RFX3: variants seen among roughly 807,000 people sequenced by gnomAD.
RFX3 encodes regulatory factor X3.
RFX3 carries 14 observed loss-of-function variants against 98.6 expected under a neutral mutation model. The observed-to-expected ratio is 0.14, with a 90% CI of 0.09 to 0.22. The LOEUF (loss-of-function observed/expected upper bound fraction) is 0.22, where lower values mean the gene tolerates loss of function less well. Among genes scored for constraint, RFX3 ranks in the 10% least tolerant of loss-of-function variants. The pLI is 1.00. For synonymous variants in RFX3, 383 were observed against 328.4 expected (o/e 1.17, Z -1.80); for missense variants, 639 against 926.9 (o/e 0.69, Z 4.03).
intron 1 of RFX3, among the ~76,000 whole-genome samples, chr9:3,458,210 G>T (rs1847365747): frequency 6.6e-6 from 1 of 152,056 alleles, no homozygotes; most frequent in African/African-American, 2.4e-5. Context: ...TATTAAAAAA[G>T]GCCTTGTAAT....
intron 2 of RFX3, among the ~76,000 whole-genome samples, chr9:3,381,004 T>C (rs558935227): frequency 4.5e-4 from 68 of 152,254 alleles, no homozygotes; most frequent in Admixed American, 1.5e-3. Context: ...TCTAGATATC[T>C]TTAAAATTAG....
intron 16 of RFX3, among the ~76,000 whole-genome samples, chr9:3,228,463 G>A (rs1224425170): frequency 6.6e-6 from 1 of 152,164 alleles, no homozygotes; most frequent in African/African-American, 2.4e-5. Flanking sequence ...GAACTGGTGA[G>A]GTAGGTGAGC....
At chr9:3,439,427 G>C (rs1845440686) in intron 1 of RFX3, among the ~76,000 whole-genome samples, 1 of 151,922 alleles carries the variant, frequency 6.6e-6, no homozygotes, top group Admixed American at 6.6e-5. Context: ...TAGACAGACT[G>C]ATCTGAAATT....
Position 3,320,795 on chromosome 9 carries a change from AT to A in RFX3, c.474+9463del, listed in dbSNP as rs1831202506. ...TATATATATATATATATATATATAT[AT>A]ATATATATATATATAGCCTCATTAT... is the stretch of plus-strand genomic sequence containing the variant. On this transcript the variant is annotated intron_variant, in intron 4 of 16. Transcript: ENST00000617270. Among the ~76,000 whole-genome samples the A allele has an allele frequency of 4.4e-5, 6 of 135,196 alleles. 1 individual carries two copies. 88.7% of individuals were successfully genotyped at this position (135,196 alleles called of 152,430 possible). A position where few individuals can be genotyped will look rare whatever the true frequency, so the allele number is the denominator to read the frequency against.
chr9:3,421,484 A>G (rs751154300), intron 1 of RFX3, among the ~76,000 whole-genome samples: 3 of 152,240 alleles, frequency 2.0e-5, no homozygotes, highest in Non-Finnish European at 4.4e-5. Context: ...CTTCTAGTCT[A>G]TTTTGTAAAA....
chr9:3,350,594 T>C lies in RFX3; in HGVS notation c.118-3830A>G, dbSNP rs1189409604. On this transcript the variant is annotated intron_variant, in intron 2 of 16. Coordinates refer to ENST00000617270, the MANE Select transcript of RFX3 (RefSeq NM_001282116.2). ...ACCCAAGGAGTTGTAAACTTACGTA[T>C]ACACAAAAACAGGCAAACACGTTTA... 2.0e-5 allele frequency among the ~76,000 whole-genome samples: 3 copies of C among 152,124 alleles called. No individual in the cohort carries two copies. In the East Asian group the frequency reaches 5.8e-4, roughly 29 times the overall value.
intron 1 of RFX3, among the ~76,000 whole-genome samples, chr9:3,461,256 C>G (rs1447722121): frequency 6.6e-6 from 1 of 151,770 alleles, no homozygotes; most frequent in Non-Finnish European, 1.5e-5. Context: ...TGTTTGCCAC[C>G]CAATAAAGTT....
intron 7 of RFX3, among the ~76,000 whole-genome samples, chr9:3,287,047 T>C (rs1291551901): frequency 1.3e-5 from 2 of 152,042 alleles, no homozygotes; most frequent in South Asian, 2.1e-4. Flanking sequence ...CCATTTTTTT[T>C]CCATTCTCCA....
chr9:3,424,414 T>G (rs1175673962), intron 1 of RFX3, among the ~76,000 whole-genome samples: 31 of 128,280 alleles, frequency 2.4e-4, no homozygotes, highest in African/African-American at 4.0e-4. Flanking sequence ...CAGGCTGGAG[T>G]GCAGTGGCGC....
At chr9:3,404,067 A>G (rs969265836) in intron 1 of RFX3, among the ~76,000 whole-genome samples, 47 of 152,302 alleles carry the variant, frequency 3.1e-4, no homozygotes, top group African/African-American at 8.2e-4. Context: ...GGAAAATAAT[A>G]CTGTATAATA....
intron 1 of RFX3, among the ~76,000 whole-genome samples, chr9:3,479,179 T>C (rs1429120782): frequency 6.6e-6 from 1 of 152,170 alleles, no homozygotes; most frequent in Non-Finnish European, 1.5e-5. Flanking sequence ...TTCACTAGTT[T>C]TCTCTTGGAC....
rs1388198899 is a variant in RFX3 at position 3,222,410 on chromosome 9, C to A, written c.*2632G>T. ...AAGAAATGTTGAATCCTGGAGCATC[C>A]CCGATCCCTAAGCCTCATCAATCTA... On this transcript the variant is annotated 3_prime_UTR_variant, in exon 17 of 17. Transcript: ENST00000617270. 1 of 152,094 alleles carries A rather than the reference C, an allele frequency of 6.6e-6. No individual in the cohort carries two copies. Among genetic ancestry groups the A allele is most frequent in the South Asian group, 2.1e-4 (1 of 4,830 alleles). 9.4% of individuals were successfully genotyped at this position (152,094 alleles called of 1,614,324 possible). A position where few individuals can be genotyped will look rare whatever the true frequency, so the allele number is the denominator to read the frequency against.
chr9:3,408,698 C>T (rs1245600447), intron 1 of RFX3, among the ~76,000 whole-genome samples: 4 of 151,996 alleles, frequency 2.6e-5, no homozygotes, highest in Non-Finnish European at 4.4e-5. Flanking sequence ...AAGTTGAACA[C>T]ACAGTACATC....
chr9:3,272,423 C>G (rs1824620486), intron 9 of RFX3, among the ~76,000 whole-genome samples: 1 of 152,106 alleles, frequency 6.6e-6, no homozygotes, highest in South Asian at 2.1e-4. Context: ...GTATGATACA[C>G]ACAATAACTG....
chr9:3,495,217 G>GA (rs551930820), intron 1 of RFX3, among the ~76,000 whole-genome samples: 4 of 150,486 alleles, frequency 2.7e-5, no homozygotes, highest in African/African-American at 9.8e-5. Flanking sequence ...CCATTTTTAG[G>GA]AAAAAAAAAT....
At chr9:3,480,022 A>T (rs534804909) in intron 1 of RFX3, among the ~76,000 whole-genome samples, 1 of 152,206 alleles carries the variant, frequency 6.6e-6, no homozygotes, top group Non-Finnish European at 1.5e-5. Flanking sequence ...AAAAGTAAAC[A>T]TCTTTTAGCA....
At chr9:3,317,907 C>G (rs1002094628) in intron 4 of RFX3, among the ~76,000 whole-genome samples, 2 of 152,184 alleles carry the variant, frequency 1.3e-5, no homozygotes, top group Non-Finnish European at 2.9e-5. Context: ...AATAGGAACA[C>G]TTTTACACTG....
At chr9:3,409,166 G>C (rs1489690019) in intron 1 of RFX3, among the ~76,000 whole-genome samples, 1 of 152,172 alleles carries the variant, frequency 6.6e-6, no homozygotes, top group Admixed American at 6.5e-5. Context: ...TTGGGGATCA[G>C]AATCTATTTA....
intron 2 of RFX3, among the ~76,000 whole-genome samples, chr9:3,361,661 GAAAA>G (rs71324242): frequency 8.0e-5 from 7 of 87,798 alleles, no homozygotes; most frequent in African/African-American, 2.6e-4. Flanking sequence ...GTTTCTTTAG[GAAAA>G]AAAAAAAAAA....
Sources: gnomAD v4.1 joint callset for allele counts (sites outside exome capture counted in the v4.1 genomes callset) on GRCh38, gnomAD v4.1.1 for gene constraint, MANE v1.5 for transcripts, NCBI Gene and HGNC (gene_info 2026-07-23, HGNC 2026-07-21) for gene names.